The following ATP6V0A1 variants were observed in gnomAD, a reference collection of about 807,000 sequenced individuals.
ATP6V0A1 encodes the protein V-type proton ATPase 116 kDa subunit a 1.
In ATP6V0A1, 43 loss-of-function variants were observed where a neutral mutation model predicts 105.4. The observed-to-expected ratio is 0.41, with a 90% CI of 0.32 to 0.53. The LOEUF (loss-of-function observed/expected upper bound fraction) is 0.53, where lower values mean the gene tolerates loss of function less well. ATP6V0A1 is among the 20% of genes least tolerant of loss of function. The pLI is 0.30. For missense variants in ATP6V0A1, 676 were observed against 1,051.1 expected, an observed-to-expected ratio of 0.64 and a Z score of 4.93; for synonymous variants, 362 against 372.8, an observed-to-expected ratio of 0.97 and a Z score of 0.33.
chr17:42,486,930 A>G (rs1422540334), intron 9 of ATP6V0A1, among the ~76,000 whole-genome samples: 1 of 152,070 alleles, frequency 6.6e-6, no homozygotes. Flanking sequence ...AAGCTAAACT[A>G]TTTTCTCAGG....
chr17:42,499,078 A>C (rs760039210), intron 15 of ATP6V0A1, 36 bp downstream of exon 15: 1 of 1,410,990 alleles, frequency 7.1e-7, no homozygotes, highest in Non-Finnish European at 1.0e-6. Context: ...GAATGTGCAT[A>C]GTTTAGAGAA....
In ATP6V0A1 at chr17:42,514,310, C is replaced by T; in HGVS notation, c.2270C>T (p.Thr757Ile). 1 of 1,605,394 alleles carries T rather than the reference C, an allele frequency of 6.2e-7. No homozygotes were observed. Among genetic ancestry groups the T allele is most frequent in the Non-Finnish European group, 8.5e-7 (1 of 1,175,728 alleles). The change falls in exon 21 of 22, where the codon ACC (threonine) becomes ATC (isoleucine). Residue 757 changes from threonine (T) to isoleucine (I), a missense_variant. Coordinates refer to ENST00000343619, the MANE Select transcript of ATP6V0A1 (RefSeq NM_001130021.3). ...CCAGAGCTGTCTGAGGTGCTTTGGA[C>T]CATGGTGATCCACATCGGCCTGAGC... ...AHAQLSEVLW[T>I]MVIHIGLSVK...
intron 2 of ATP6V0A1, among the ~76,000 whole-genome samples, chr17:42,465,986 T>C (rs925935113): frequency 6.6e-6 from 1 of 152,012 alleles, no homozygotes; most frequent in African/African-American, 2.4e-5. Flanking sequence ...AAGCAATTAC[T>C]TGTGGTGTAT....
rs368039003 is a variant in ATP6V0A1, at chr17:42,477,791, C to T, written c.506+49C>T. 9.5e-6 allele frequency: 14 copies of T among 1,479,310 alleles called. No individual in the cohort carries two copies. In the Admixed American group the frequency reaches 1.0e-4, roughly 11 times the overall value. The allele number at this position is 1,479,310 out of a possible 1,614,324, so 91.6% of individuals were successfully genotyped here. ...GTATTCAGTGGGGCCATGTTCATCT[C>T]TTCTGTTCAGAAGAGCAGTGAGACT... On this transcript the variant is annotated intron_variant, in intron 6 of 21. Transcript: ENST00000343619.
intron 14 of ATP6V0A1, among the ~76,000 whole-genome samples, chr17:42,497,770 G>T (rs1000452771): frequency 1.0e-4 from 15 of 149,458 alleles, no homozygotes; most frequent in African/African-American, 3.5e-4. Context: ...GGGCGCGGTG[G>T]CTCACGCCTG....
intron 17 of ATP6V0A1, among the ~76,000 whole-genome samples, chr17:42,504,632 G>A (rs1464607015): frequency 6.6e-6 from 1 of 152,162 alleles, no homozygotes; most frequent in Non-Finnish European, 1.5e-5. Flanking sequence ...GCACATCACA[G>A]TCACCTGGTA....
At chr17:42,488,984 C>T (rs1215769265) in intron 10 of ATP6V0A1, among the ~76,000 whole-genome samples, 3 of 128,752 alleles carry the variant, frequency 2.3e-5, no homozygotes, top group East Asian at 2.4e-4. Context: ...CACTGCACTC[C>T]AGCCTGGACA....
chr17:42,507,642 T>C lies in ATP6V0A1; in HGVS notation c.2112+15T>C. 3 of 1,608,602 alleles carry C rather than the reference T, an allele frequency of 1.9e-6. No homozygotes were observed. Among genetic ancestry groups the C allele is most frequent in the Non-Finnish European group, 1.7e-6 (2 of 1,175,140 alleles). ...ACGCAGACGAGGTAAGATCCCGTGG[T>C]GTGGGCTTTCTCTCCTTCCACCTCG... On this transcript the variant is annotated intron_variant, in intron 18 of 21. Coordinates refer to ENST00000343619, the MANE Select transcript of ATP6V0A1 (RefSeq NM_001130021.3).
rs558702963 is a variant in ATP6V0A1, at chr17:42,502,828, A to C, written c.2004+1524A>C. The C allele has an allele frequency of 4.3e-3, 651 of 152,750 alleles. 2 individuals are homozygous for C. The highest frequency in any genetic ancestry group is 6.0e-3 in the Non-Finnish European group (406 of 68,026). The allele number at this position is 152,750 out of a possible 1,614,324, so 9.5% of individuals were successfully genotyped here. A position where few individuals can be genotyped will look rare whatever the true frequency, so the allele number is the denominator to read the frequency against. ...CCTGTGGAGGCCCCAGTCAGCCCAA[A>C]CCCGAGCCAACAGGGACTAGAGGCA... On this transcript the variant is annotated intron_variant, in intron 17 of 21. Transcript: ENST00000343619.
chr17:42,501,269 G>T lies in ATP6V0A1; in HGVS notation c.1969G>T (p.Val657Phe). 1.2e-6 allele frequency: 2 copies of T among 1,613,992 alleles called. No individual in the cohort carries two copies. Among genetic ancestry groups the T allele is most frequent in the South Asian group, 2.2e-5 (2 of 91,068 alleles). Reference protein sequence around the residue: ...VPWMLLFKPLVLRRQYLRRKH... With the variant: ...VPWMLLFKPLFLRRQYLRRKH... ...TTGGATGCTGCTGTTTAAACCATTG[G>T]TCCTTCGCCGTCAGTATTTGAGGAG... is the stretch of plus-strand genomic sequence containing the variant. Residue 657 changes from valine to phenylalanine, a missense_variant, in exon 17 of 22, where the codon GTC becomes TTC. Transcript: ENST00000343619.
At chr17:42,514,145 G>T in intron 20 of ATP6V0A1, 144 bp from the exon 21 acceptor site, 3 of 1,288,300 alleles carry the variant, frequency 2.3e-6, no homozygotes, top group Non-Finnish European at 3.3e-6. Context: ...CTTGTGCCAG[G>T]TTAGCTCTGC....
At chr17:42,474,709 A>G in intron 5 of ATP6V0A1, among the ~76,000 whole-genome samples, 1 of 152,208 alleles carries the variant, frequency 6.6e-6, no homozygotes, top group East Asian at 1.9e-4. Context: ...GGCCTAAAAC[A>G]CTACCAGTTT....
Position 42,514,354 on chromosome 17 carries a change from G to A in ATP6V0A1, c.2314G>A (p.Gly772Ser), listed in dbSNP as rs2092506055. ...IGLSVKSLAG[G>S]LVLFFFFTAF... ...CCTGAGCGTGAAGAGCTTGGCGGGA[G>A]GTTTGGTGCTGTTCTTCTTCTTCAC... The change falls in exon 21 of 22, where the codon GGT becomes AGT. Residue 772 changes from glycine (G) to serine (S), a missense_variant. Physicochemically the swap from Gly to Ser is moderately conservative, Grantham distance 56 (BLOSUM62 0). Transcript: ENST00000343619. 1 of 1,613,786 alleles carries A rather than the reference G, an allele frequency of 6.2e-7. No homozygotes were observed. Among genetic ancestry groups the A allele is most frequent in the Non-Finnish European group, 8.5e-7 (1 of 1,179,826 alleles).
At chr17:42,516,832 G>A (rs966000318) in intron 21 of ATP6V0A1, among the ~76,000 whole-genome samples, 2 of 152,240 alleles carry the variant, frequency 1.3e-5, no homozygotes, top group African/African-American at 2.4e-5. Context: ...GGCGACCTGG[G>A]TTGGAATTCC....
intron 2 of ATP6V0A1, among the ~76,000 whole-genome samples, chr17:42,464,091 T>C (rs1190307746): frequency 6.6e-6 from 1 of 152,152 alleles, no homozygotes; most frequent in African/African-American, 2.4e-5. Flanking sequence ...CAAACCCACA[T>C]TGTTCAAAGG....
At position 42,522,536 on chromosome 17, in the gene ATP6V0A1, T is replaced by G. The variant is rs1433925993; in HGVS notation, c.*1416T>G. 6.6e-6 allele frequency: 1 copy of G among 152,548 alleles called. No individual in the cohort carries two copies. Among genetic ancestry groups the G allele is most frequent in the Non-Finnish European group, 1.5e-5 (1 of 68,172 alleles). 9.4% of individuals were successfully genotyped at this position (152,548 alleles called of 1,614,324 possible). Reference sequence around the variant, plus strand: ...GGAACCCTGCCCAAGGTCCTCCTGTTCAGACATTCCTATGTTGAATAAAGT... The same window carrying G: ...GGAACCCTGCCCAAGGTCCTCCTGTGCAGACATTCCTATGTTGAATAAAGT... On this transcript the variant is annotated 3_prime_UTR_variant, in exon 22 of 22. Coordinates refer to ENST00000343619, the MANE Select transcript of ATP6V0A1 (RefSeq NM_001130021.3).
At chr17:42,489,722 G>T (rs1213829519) in intron 10 of ATP6V0A1, among the ~76,000 whole-genome samples, 1 of 152,152 alleles carries the variant, frequency 6.6e-6, no homozygotes, top group African/African-American at 2.4e-5. Flanking sequence ...TGATTGGGGA[G>T]AGATGGTAAG....
intron 17 of ATP6V0A1, among the ~76,000 whole-genome samples, chr17:42,503,106 G>A (rs1430156269): frequency 6.6e-6 from 1 of 152,114 alleles, no homozygotes; most frequent in African/African-American, 2.4e-5. Context: ...GCATGTCCAT[G>A]GCAACAAAGT....
chr17:42,472,599 C>G (rs2088132136), intron 5 of ATP6V0A1, among the ~76,000 whole-genome samples: 1 of 151,870 alleles, frequency 6.6e-6, no homozygotes. Context: ...TGGCGGGCGC[C>G]TATAATCCCA....
Sources: gnomAD v4.1 joint callset for allele counts (sites outside exome capture counted in the v4.1 genomes callset) on GRCh38, gnomAD v4.1.1 for gene constraint, MANE v1.5 for transcripts, NCBI Gene and HGNC (gene_info 2026-07-23, HGNC 2026-07-21) for gene names.